Variants in NTAQ1 observed in about 807,000 individuals in gnomAD.
The protein encoded by NTAQ1 is protein N-terminal glutamine amidohydrolase.
Under a neutral mutation model 28.2 loss-of-function variants are expected in NTAQ1, and 21 were observed. The observed-to-expected ratio is 0.74, with a 90% CI of 0.53 to 1.07. The LOEUF (loss-of-function observed/expected upper bound fraction) is 1.07, where lower values mean the gene tolerates loss of function less well. Among genes scored for constraint, NTAQ1 ranks in the 50% least tolerant of loss-of-function variants. The probability of loss-of-function intolerance (pLI) is 0.00; values close to 1 mark genes in which losing one functional copy is unlikely to be tolerated. For synonymous variants in NTAQ1, 105 were observed against 90.0 expected, an observed-to-expected ratio of 1.17 and a Z score of -0.94; for missense variants, 264 against 256.6, an observed-to-expected ratio of 1.03 and a Z score of -0.20.
chr8:123,416,977 G>A, intron 1 of NTAQ1, 45 bp downstream of exon 1: 1 of 1,396,972 alleles, frequency 7.2e-7, no homozygotes, highest in Middle Eastern at 2.6e-4. Context: ...AGGCTCCCGG[G>A]CGGCGAGTCG....
chr8:123,433,857 A>C (rs570416698), intron 3 of NTAQ1, among the ~76,000 whole-genome samples: 2 of 152,330 alleles, frequency 1.3e-5, no homozygotes, highest in African/African-American at 2.4e-5. Flanking sequence ...ATGTGGCCCA[A>C]GACAGCTTTA....
At chr8:123,417,032 C>T (rs978335288) in intron 1 of NTAQ1, 100 bp downstream of exon 1, 2 of 1,176,132 alleles carry the variant, frequency 1.7e-6, no homozygotes, top group Non-Finnish European at 2.2e-6. Flanking sequence ...GGGGCGCTCC[C>T]GGCCTCTACC....
downstream of NTAQ1, among the ~76,000 whole-genome samples, chr8:123,471,873 T>A (rs1315153294): frequency 1.3e-5 from 2 of 152,214 alleles, no homozygotes; most frequent in African/African-American, 2.4e-5. Flanking sequence ...TGATTAAATA[T>A]CTGGGCACCC....
downstream of NTAQ1, among the ~76,000 whole-genome samples, chr8:123,452,157 A>G (rs144168327): frequency 6.6e-6 from 1 of 152,362 alleles, no homozygotes; most frequent in East Asian, 1.9e-4. Context: ...AGGAGCTCAC[A>G]GTATACTTTT....
At chr8:123,468,482 T>A (rs1816007080) in exon 7 of NTAQ1, among the ~76,000 whole-genome samples, 2 of 152,216 alleles carry the variant, frequency 1.3e-5, no homozygotes, top group African/African-American at 4.8e-5. Flanking sequence ...CTGCATTATT[T>A]TACTTAGCTT....
At position 123,417,404 on chromosome 8, in the gene NTAQ1, A is replaced by C. The variant is rs187489313; in HGVS notation, c.83+472A>C. ...TAGGTAAACTAAATCACTGAGCATCACAATAACCGTAAGAGGTAGGTATTG... is the reference window on the plus strand; with the variant it reads ...TAGGTAAACTAAATCACTGAGCATCCCAATAACCGTAAGAGGTAGGTATTG... On this transcript the variant is annotated intron_variant, in intron 1 of 5. Transcript: ENST00000287387. Among the ~76,000 whole-genome samples the C allele has an allele frequency of 3.6e-4, 55 of 152,296 alleles. No individual in the cohort carries two copies. In the East Asian group the frequency reaches 0.01, roughly 28 times the overall value.
chr8:123,463,178 A>G (rs1335827725), intron 6 of NTAQ1, among the ~76,000 whole-genome samples: 4 of 152,212 alleles, frequency 2.6e-5, no homozygotes, highest in Non-Finnish European at 5.9e-5. Context: ...CTTCACCTAT[A>G]AATACTTCAG....
intron 1 of NTAQ1, among the ~76,000 whole-genome samples, chr8:123,417,329 G>C (rs1210088938): frequency 1.3e-5 from 2 of 152,124 alleles, no homozygotes; most frequent in African/African-American, 2.4e-5. Flanking sequence ...AAGGCACGGA[G>C]AGTTTTTCAT....
intron 6 of NTAQ1, among the ~76,000 whole-genome samples, chr8:123,462,279 C>T (rs1340615341): frequency 6.6e-6 from 1 of 152,134 alleles, no homozygotes; most frequent in Non-Finnish European, 1.5e-5. Flanking sequence ...AACTCCTGAC[C>T]TCTTGTGATC....
chr8:123,457,386 T>C (rs1815679954), intron 6 of NTAQ1, among the ~76,000 whole-genome samples: 1 of 152,122 alleles, frequency 6.6e-6, no homozygotes, highest in Admixed American at 6.6e-5. Context: ...AAAAAAATCT[T>C]AAACATGATA....
intron 1 of NTAQ1, among the ~76,000 whole-genome samples, chr8:123,419,750 C>T (rs62523175): frequency 6.8e-5 from 6 of 87,810 alleles, no homozygotes; most frequent in Non-Finnish European, 1.4e-4. Flanking sequence ...CTCCCTCCCT[C>T]CCTCCCTTCC....
chr8:123,459,452 C>T (rs1413207519), intron 6 of NTAQ1, among the ~76,000 whole-genome samples: 1 of 152,148 alleles, frequency 6.6e-6, no homozygotes, highest in Admixed American at 6.5e-5. Context: ...AATTCAGTCT[C>T]TAGCCCTTCC....
At chr8:123,426,872 A>G (rs771616840) in intron 1 of NTAQ1, among the ~76,000 whole-genome samples, 14 of 152,158 alleles carry the variant, frequency 9.2e-5, no homozygotes, top group East Asian at 1.9e-4. Context: ...AGGCATGACA[A>G]TCACTTGAAC....
intron 1 of NTAQ1, among the ~76,000 whole-genome samples, chr8:123,421,397 A>G (rs1216484565): frequency 6.6e-6 from 1 of 152,174 alleles, no homozygotes; most frequent in African/African-American, 2.4e-5. Context: ...AAGAATAGTC[A>G]TTCTGACTGG....
At chr8:123,424,264 A>G (rs1433610932) in intron 1 of NTAQ1, among the ~76,000 whole-genome samples, 1 of 148,230 alleles carries the variant, frequency 6.7e-6, no homozygotes, top group African/African-American at 2.5e-5. Context: ...TTTTTTTAAG[A>G]CGAAGTCTTG....
chr8:123,450,968 T>C (rs1350745325), downstream of NTAQ1, among the ~76,000 whole-genome samples: 1 of 152,248 alleles, frequency 6.6e-6, no homozygotes, highest in Non-Finnish European at 1.5e-5. Context: ...AAGCTAAATA[T>C]ACTGTTCTAC....
intron 5 of NTAQ1, 151 bp downstream of exon 5, chr8:123,437,485 C>T (rs1232492135): frequency 1.2e-5 from 13 of 1,123,890 alleles, no homozygotes; most frequent in South Asian, 4.9e-5. Context: ...GGGCGGATCA[C>T]GAGGTCAGGA....
intron 6 of NTAQ1, among the ~76,000 whole-genome samples, chr8:123,466,108 A>G (rs1221930002): frequency 6.6e-6 from 1 of 152,186 alleles, no homozygotes; most frequent in African/African-American, 2.4e-5. Context: ...TGAGGGCAAT[A>G]GCAGCTGGAA....
intron 6 of NTAQ1, among the ~76,000 whole-genome samples, chr8:123,455,822 G>A (rs1352632266): frequency 6.6e-6 from 1 of 152,138 alleles, no homozygotes; most frequent in African/African-American, 2.4e-5. Flanking sequence ...ATGGATTTAG[G>A]TATATTGCTA....
Sources: gnomAD v4.1 joint callset for allele counts (sites outside exome capture counted in the v4.1 genomes callset) on GRCh38, gnomAD v4.1.1 for gene constraint, MANE v1.5 for transcripts, NCBI Gene and HGNC (gene_info 2026-07-23, HGNC 2026-07-21) for gene names.